DAB1: variants seen among roughly 807,000 people sequenced by gnomAD.
The protein encoded by DAB1 is DAB adaptor protein 1.
A neutral mutation model predicts 64.6 loss-of-function variants in DAB1; 15 were observed. That is an observed-to-expected ratio of 0.23 (90% CI 0.16 to 0.36). DAB1 has a LOEUF of 0.36. Ranked by LOEUF, DAB1 falls within the 10% of genes least tolerant of loss-of-function variation. The pLI is 1.00. For missense variants in DAB1, 596 were observed against 706.7 expected, an observed-to-expected ratio of 0.84 and a Z score of 1.78; for synonymous variants, 235 against 251.9, an observed-to-expected ratio of 0.93 and a Z score of 0.64.
At chr1:58,261,921 G>A (rs1661056862) in intron 4 of DAB1, among the ~76,000 whole-genome samples, 1 of 152,036 alleles carries the variant, frequency 6.6e-6, no homozygotes, top group Admixed American at 6.6e-5. Context: ...TACCAAACCT[G>A]TTCATGGATT....
At chr1:58,398,297 C>T (rs913317232) in intron 3 of DAB1, among the ~76,000 whole-genome samples, 1 of 152,178 alleles carries the variant, frequency 6.6e-6, no homozygotes, top group Non-Finnish European at 1.5e-5. Flanking sequence ...TTTCAACCTC[C>T]CTGCTATTAT....
At chr1:57,927,399 T>C (rs1480065132) in intron 5 of DAB1, among the ~76,000 whole-genome samples, 1 of 152,096 alleles carries the variant, frequency 6.6e-6, no homozygotes, top group Non-Finnish European at 1.5e-5. Context: ...CTTGGAAGGC[T>C]GAGGAGGGAG....
intron 5 of DAB1, among the ~76,000 whole-genome samples, chr1:58,024,773 T>C (rs991978448): frequency 2.0e-5 from 3 of 152,188 alleles, no homozygotes; most frequent in Admixed American, 6.5e-5. Flanking sequence ...TTTTCTAATG[T>C]GTGTGGGCCT....
chr1:58,055,102 T>C (rs11207160), intron 5 of DAB1, among the ~76,000 whole-genome samples: 52,372 of 152,074 alleles, frequency 0.34, 9,719 homozygotes, highest in African/African-American at 0.49. Flanking sequence ...GGACTCTTAT[T>C]CCCATTTAAC....
At chr1:57,169,880 G>A (rs1661564991) in intron 2 of DAB1, among the ~76,000 whole-genome samples, 3 of 152,112 alleles carry the variant, frequency 2.0e-5, no homozygotes, top group South Asian at 4.2e-4. Context: ...ATTTAAAGGC[G>A]AGCCCAATCT....
intron 7 of DAB1, among the ~76,000 whole-genome samples, chr1:57,439,445 T>TTTTTTTTTTTTTTTTTTTTTTTTTTTG (rs1685847029): frequency 7.0e-6 from 1 of 141,916 alleles, no homozygotes; most frequent in Non-Finnish European, 1.5e-5. Context: ...TTTTTTTTTT[T>TTTTTTTTTTTTTTTTTTTTTTTTTTTG]TTGAGACGGA....
Position 57,561,294 on chromosome 1 carries a change from A to G in DAB1, n.625+88298T>C, listed in dbSNP as rs535334820. Among the ~76,000 whole-genome samples the G allele has an allele frequency of 1.2e-4, 18 of 152,274 alleles. No homozygotes were observed. The East Asian group carries it at 2.9e-3, about 25-fold the overall frequency. On this transcript the variant is annotated intron_variant and non_coding_transcript_variant, in intron 7 of 20. Coordinates refer to the DAB1 transcript ENST00000485760. ...TAGCACTACAGCCCCTTTCTAGGAC[A>G]TCCCTGAAGGACAGCAGTGAAGGGC...
intron 6 of DAB1, among the ~76,000 whole-genome samples, chr1:57,735,711 G>A (rs1647661031): frequency 6.9e-6 from 1 of 145,274 alleles, no homozygotes; most frequent in South Asian, 2.2e-4. Flanking sequence ...AATTCATTCA[G>A]TCTTTTGTCT....
At chr1:57,813,596 T>G (rs900140133) in intron 6 of DAB1, among the ~76,000 whole-genome samples, 1 of 152,182 alleles carries the variant, frequency 6.6e-6, no homozygotes, top group African/African-American at 2.4e-5. Flanking sequence ...TAAGTCATGT[T>G]TAGTTCATAG....
chr1:57,302,608 T>TA (rs991145563), intron 1 of DAB1, among the ~76,000 whole-genome samples: 8 of 152,086 alleles, frequency 5.3e-5, no homozygotes, highest in African/African-American at 1.7e-4. Flanking sequence ...TTTTTTTTTT[T>TA]ATTTTATGTT....
intron 4 of DAB1, among the ~76,000 whole-genome samples, chr1:58,236,650 C>T (rs116141304): frequency 6.6e-6 from 1 of 152,282 alleles, no homozygotes; most frequent in African/African-American, 2.4e-5. Context: ...CATGCATCAT[C>T]TCTTTGAAGC....
chr1:57,075,523 G>C (rs570992756), intron 4 of DAB1, among the ~76,000 whole-genome samples: 4 of 152,268 alleles, frequency 2.6e-5, no homozygotes, highest in African/African-American at 7.2e-5. Flanking sequence ...CCATGCAGAC[G>C]TAACATAGAT....
At chr1:57,335,387 A>G (rs1177592788) in intron 1 of DAB1, among the ~76,000 whole-genome samples, 3 of 152,200 alleles carry the variant, frequency 2.0e-5, no homozygotes, top group Admixed American at 6.5e-5. Context: ...GCAAATGACT[A>G]TTTTACTGGC....
intron 3 of DAB1, among the ~76,000 whole-genome samples, chr1:58,462,391 AG>A (rs1241329228): frequency 6.6e-6 from 1 of 152,112 alleles, no homozygotes; most frequent in East Asian, 1.9e-4. Context: ...CTCCCAAAGA[AG>A]GTTTCTTAAC....
In DAB1 at chr1:58,261,341, C is replaced by A. The variant is rs557036327; in HGVS notation, n.309+82011G>T. On this transcript the variant is annotated intron_variant and non_coding_transcript_variant, in intron 4 of 20. Transcript: ENST00000485760. The stretch of plus-strand genomic sequence containing the variant: ...GAGGACATGGCCTTAGGTCCCTTAG[C>A]CAAGTGACTTGCAAATACCTAACTC... Among the ~76,000 whole-genome samples, 21 of 152,308 alleles carry A rather than the reference C, an allele frequency of 1.4e-4. No homozygotes were observed. In the South Asian group the frequency reaches 4.4e-3, roughly 32 times the overall value.
chr1:57,309,558 A>G (rs554862815), intron 1 of DAB1, among the ~76,000 whole-genome samples: 16 of 152,228 alleles, frequency 1.1e-4, no homozygotes, highest in Non-Finnish European at 2.1e-4. Flanking sequence ...CCAAAACTCA[A>G]TGTTTTCTAG....
chr1:57,702,391 A>G (rs1341585283), intron 6 of DAB1, among the ~76,000 whole-genome samples: 1 of 152,184 alleles, frequency 6.6e-6, no homozygotes, highest in African/African-American at 2.4e-5. Context: ...TGCAAAAAGA[A>G]GTATCATTTT....
chr1:57,716,367 C>T (rs1472468845), intron 6 of DAB1, among the ~76,000 whole-genome samples: 1 of 152,158 alleles, frequency 6.6e-6, no homozygotes. Flanking sequence ...GCCAAAATAG[C>T]AAGCTATTGG....
At chr1:57,898,084 C>T (rs1359072079) in intron 5 of DAB1, among the ~76,000 whole-genome samples, 1 of 152,090 alleles carries the variant, frequency 6.6e-6, no homozygotes, top group African/African-American at 2.4e-5. Flanking sequence ...AAAGACTCTC[C>T]CCTGCAGCTG....
Sources: gnomAD v4.1 joint callset for allele counts (sites outside exome capture counted in the v4.1 genomes callset) on GRCh38, gnomAD v4.1.1 for gene constraint, MANE v1.5 for transcripts, NCBI Gene and HGNC (gene_info 2026-07-23, HGNC 2026-07-21) for gene names.